The following DLG2 variants were observed in gnomAD, a reference collection of about 807,000 sequenced individuals.
The protein encoded by DLG2 is disks large homolog 2.
A neutral mutation model predicts 132.5 loss-of-function variants in DLG2; 45 were observed. The observed-to-expected ratio is 0.34, with a 90% CI of 0.27 to 0.44. The LOEUF is 0.44. Among genes scored for constraint, DLG2 ranks in the 20% least tolerant of loss-of-function variants. The pLI is 1.00. For missense variants in DLG2, 1,045 were observed against 1,196.9 expected, an observed-to-expected ratio of 0.87 and a Z score of 1.87; for synonymous variants, 424 against 419.6, an observed-to-expected ratio of 1.01 and a Z score of -0.13.
intron 18 of DLG2, among the ~76,000 whole-genome samples, chr11:83,742,216 C>A (rs1322910967): frequency 6.7e-6 from 1 of 148,998 alleles, no homozygotes; most frequent in Non-Finnish European, 1.5e-5. Flanking sequence ...TTTTAACACA[C>A]ACACACACAC....
chr11:85,241,961 C>T (rs1332671589), intron 4 of DLG2, among the ~76,000 whole-genome samples: 1 of 151,906 alleles, frequency 6.6e-6, no homozygotes, highest in Non-Finnish European at 1.5e-5. Context: ...TTACCATAAG[C>T]AATCCTAACT....
intron 22 of DLG2, among the ~76,000 whole-genome samples, chr11:83,479,263 G>C (rs2092893124): frequency 6.6e-6 from 1 of 151,778 alleles, no homozygotes; most frequent in Non-Finnish European, 1.5e-5. Flanking sequence ...GCTCCTACTT[G>C]CCACCCCTCT....
At chr11:85,019,436 G>A (rs1341536729) in intron 6 of DLG2, among the ~76,000 whole-genome samples, 2 of 151,482 alleles carry the variant, frequency 1.3e-5, no homozygotes, top group Non-Finnish European at 2.9e-5. Flanking sequence ...AGAAATAATG[G>A]GATAAGATTT....
intron 6 of DLG2, among the ~76,000 whole-genome samples, chr11:84,791,121 CA>C (rs2073782717): frequency 6.6e-6 from 1 of 152,088 alleles, no homozygotes; most frequent in South Asian, 2.1e-4. Context: ...GAGGAACTGT[CA>C]AACACTTACA....
At chr11:84,522,720 T>C (rs1209818966) in intron 7 of DLG2, among the ~76,000 whole-genome samples, 1 of 152,230 alleles carries the variant, frequency 6.6e-6, no homozygotes, top group Non-Finnish European at 1.5e-5. Context: ...ATAAGTTTCC[T>C]TTGTATATAC....
chr11:85,272,742 G>A (rs2077618721), intron 4 of DLG2, among the ~76,000 whole-genome samples: 1 of 151,978 alleles, frequency 6.6e-6, no homozygotes, highest in Non-Finnish European at 1.5e-5. Flanking sequence ...TCACAGAATT[G>A]GAAAAAGCTA....
intron 10 of DLG2, among the ~76,000 whole-genome samples, chr11:84,092,510 T>C (rs900455135): frequency 6.6e-6 from 1 of 152,220 alleles, no homozygotes; most frequent in African/African-American, 2.4e-5. Flanking sequence ...GGTCTTTGAC[T>C]CCAAATATTG....
At chr11:84,915,806 ACATT>A (rs71036449) in intron 6 of DLG2, among the ~76,000 whole-genome samples, 1 of 152,140 alleles carries the variant, frequency 6.6e-6, no homozygotes, top group Admixed American at 6.5e-5. Context: ...TGAACGGCTA[ACATT>A]CATTCATTCA....
At chr11:84,843,938 A>G (rs1444599557) in intron 6 of DLG2, among the ~76,000 whole-genome samples, 1 of 150,868 alleles carries the variant, frequency 6.6e-6, no homozygotes, top group Non-Finnish European at 1.5e-5. Context: ...TTCCCATTAT[A>G]TGTCCTATTT....
intron 4 of DLG2, among the ~76,000 whole-genome samples, chr11:85,222,238 T>A (rs1213614786): frequency 6.6e-6 from 1 of 152,176 alleles, no homozygotes. Context: ...AGTTCTGGTA[T>A]TACAGGCATG....
chr11:84,135,061 GGTTA>G (rs2094553997), intron 9 of DLG2, among the ~76,000 whole-genome samples: 1 of 152,030 alleles, frequency 6.6e-6, no homozygotes, highest in Non-Finnish European at 1.5e-5. Context: ...TTATCTATTA[GGTTA>G]GTTTACTTAA....
intron 19 of DLG2, among the ~76,000 whole-genome samples, chr11:83,626,536 C>T (rs891408185): frequency 1.3e-5 from 2 of 152,136 alleles, no homozygotes; most frequent in Non-Finnish European, 1.5e-5. Flanking sequence ...GACCTGAGTG[C>T]GTTTGTCATA....
chr11:84,991,793 G>A (rs1253380473), intron 6 of DLG2, among the ~76,000 whole-genome samples: 2 of 152,174 alleles, frequency 1.3e-5, no homozygotes, highest in Non-Finnish European at 2.9e-5. Context: ...ACAATTGCAT[G>A]TGAATCTACA....
intron 19 of DLG2, among the ~76,000 whole-genome samples, chr11:83,576,192 C>T (rs2096871009): frequency 1.3e-5 from 2 of 151,942 alleles, no homozygotes; most frequent in Non-Finnish European, 2.9e-5. Context: ...GCAATGGAAA[C>T]TAACCAAGTT....
At position 83,564,359 on chromosome 11, in the gene DLG2, T is replaced by C. The variant is rs544537742; in HGVS notation, c.1941-22501A>G. Reference sequence around the variant, plus strand: ...CTGGAATGGGGGGGGTCAGGAGCCCTAGATCTCAGTCTTGCCTCTGTCCCT... The same window carrying C: ...CTGGAATGGGGGGGGTCAGGAGCCCCAGATCTCAGTCTTGCCTCTGTCCCT... On this transcript the variant is annotated intron_variant, in intron 19 of 27. Transcript: ENST00000376104. Among the ~76,000 whole-genome samples the C allele has an allele frequency of 3.0e-4, 46 of 152,308 alleles. No homozygotes were observed. The South Asian group carries it at 7.1e-3, about 23-fold the overall frequency.
At chr11:84,502,172 CTCTT>C (rs1191154689) in intron 7 of DLG2, among the ~76,000 whole-genome samples, 1,359 of 35,976 alleles carry the variant, frequency 0.038, 116 homozygotes, top group Middle Eastern at 0.081. Context: ...CTCTCTCTCT[CTCTT>C]TCTCTCTCTT....
intron 4 of DLG2, among the ~76,000 whole-genome samples, chr11:85,205,364 G>A (rs922780175): frequency 3.3e-5 from 5 of 151,842 alleles, no homozygotes; most frequent in African/African-American, 1.2e-4. Flanking sequence ...AAATATAATG[G>A]GGTTACCAGA....
intron 22 of DLG2, chr11:83,480,272 AAG>A: frequency 1.1e-6 from 1 of 929,090 alleles, no homozygotes; most frequent in Non-Finnish European, 1.7e-6. Context: ...CAGATGATAA[AAG>A]GTAGCAATTG....
At chr11:84,612,937 T>C (rs1035803693) in intron 6 of DLG2, among the ~76,000 whole-genome samples, 4 of 152,168 alleles carry the variant, frequency 2.6e-5, no homozygotes, top group African/African-American at 9.7e-5. Context: ...CATTCCAATA[T>C]GTAAATTCTT....
Sources: gnomAD v4.1 joint callset for allele counts (sites outside exome capture counted in the v4.1 genomes callset) on GRCh38, gnomAD v4.1.1 for gene constraint, MANE v1.5 for transcripts, NCBI Gene and HGNC (gene_info 2026-07-23, HGNC 2026-07-21) for gene names.